PBX4: variants seen among roughly 807,000 people sequenced by gnomAD.
PBX4 encodes the protein PBX homeobox 4, also known as pre-B-cell leukemia transcription factor 4.
Under a neutral mutation model 35.1 loss-of-function variants are expected in PBX4, and 26 were observed. The ratio of observed to expected loss-of-function variants is 0.74; its 90% CI spans 0.54 to 1.03. PBX4 has a LOEUF of 1.03. Among genes scored for constraint, PBX4 ranks in the 50% least tolerant of loss-of-function variants. The pLI is 0.00. For missense variants in PBX4, 448 were observed against 504.3 expected (o/e 0.89, Z 1.07); for synonymous variants, 199 against 204.2 (o/e 0.97, Z 0.22).
At chr19:19,594,946 T>C (rs2144762080) in intron 2 of PBX4, among the ~76,000 whole-genome samples, 1 of 152,308 alleles carries the variant, frequency 6.6e-6, no homozygotes, top group South Asian at 2.1e-4. Context: ...GGTCTCGAAC[T>C]CCTGATCTCA....
chr19:19,569,077 G>A (rs981663744), intron 5 of PBX4, among the ~76,000 whole-genome samples: 2 of 152,094 alleles, frequency 1.3e-5, no homozygotes, highest in African/African-American at 4.8e-5. Flanking sequence ...TTGTTTTTCA[G>A]AGATAGGATC....
intron 2 of PBX4, among the ~76,000 whole-genome samples, chr19:19,584,329 CCA>C (rs1600418526): frequency 6.6e-6 from 1 of 152,174 alleles, no homozygotes; most frequent in African/African-American, 2.4e-5. Flanking sequence ...ACAGCAAACC[CCA>C]GTCTTCCTGG....
At chr19:19,576,688 G>A (rs970490999) in intron 2 of PBX4, among the ~76,000 whole-genome samples, 1 of 152,008 alleles carries the variant, frequency 6.6e-6, no homozygotes, top group African/African-American at 2.4e-5. Flanking sequence ...CATCATCATA[G>A]CTTTCTGTAA....
intron 2 of PBX4, among the ~76,000 whole-genome samples, chr19:19,598,419 T>G (rs1015016013): frequency 6.0e-5 from 9 of 148,950 alleles, no homozygotes; most frequent in African/African-American, 2.0e-4. Context: ...TGCCTCAGCC[T>G]CCCAAGTAGC....
chr19:19,591,400 A>G (rs2061526967), intron 2 of PBX4, among the ~76,000 whole-genome samples: 1 of 152,234 alleles, frequency 6.6e-6, no homozygotes, highest in South Asian at 2.1e-4. Flanking sequence ...GCCAACTACT[A>G]GCAAGGCCAA....
intron 2 of PBX4, among the ~76,000 whole-genome samples, chr19:19,575,445 C>G (rs1281868506): frequency 6.6e-6 from 1 of 152,054 alleles, no homozygotes; most frequent in Non-Finnish European, 1.5e-5. Flanking sequence ...TTTGCCTATT[C>G]CTCGTAATAA....
chr19:19,611,503 AC>A (rs1240496432), intron 1 of PBX4, among the ~76,000 whole-genome samples: 2 of 151,706 alleles, frequency 1.3e-5, no homozygotes, highest in African/African-American at 2.4e-5. Context: ...AGATGGTGAA[AC>A]CCCGTCTCTA....
intron 2 of PBX4, among the ~76,000 whole-genome samples, chr19:19,574,677 C>T (rs1485054689): frequency 6.6e-6 from 1 of 151,528 alleles, no homozygotes; most frequent in Non-Finnish European, 1.5e-5. Context: ...CTCTGTCGCC[C>T]AGGCTCAAGT....
At chr19:19,579,711 C>T (rs1222679697) in intron 2 of PBX4, 3 of 152,366 alleles carry the variant, frequency 2.0e-5, no homozygotes, top group Non-Finnish European at 4.4e-5. Context: ...GTGGTCACTC[C>T]GCTGGCCGCA....
intron 1 of PBX4, among the ~76,000 whole-genome samples, chr19:19,616,889 G>C (rs909695161): frequency 6.6e-6 from 1 of 151,964 alleles, no homozygotes; most frequent in African/African-American, 2.4e-5. Context: ...TCACCATGTT[G>C]GCCAGGCTGG....
intron 2 of PBX4, among the ~76,000 whole-genome samples, chr19:19,591,497 C>T (rs532287981): frequency 2.6e-5 from 4 of 152,350 alleles, no homozygotes; most frequent in African/African-American, 9.6e-5. Flanking sequence ...TGCGTTCCTA[C>T]AGCACAGCAA....
chr19:19,588,383 G>T (rs560403161), intron 2 of PBX4: 2 of 1,348,656 alleles, frequency 1.5e-6, no homozygotes, highest in Admixed American at 1.7e-5. Context: ...GCCTGCTTGC[G>T]GCAAAAGATC....
chr19:19,592,729 A>G (rs2061536524), intron 2 of PBX4, among the ~76,000 whole-genome samples: 1 of 152,194 alleles, frequency 6.6e-6, no homozygotes, highest in Non-Finnish European at 1.5e-5. Context: ...TTTTCAATCA[A>G]CAAAAACAGA....
chr19:19,597,928 C>T (rs2061570351), intron 2 of PBX4, among the ~76,000 whole-genome samples: 1 of 152,136 alleles, frequency 6.6e-6, no homozygotes, highest in Non-Finnish European at 1.5e-5. Flanking sequence ...GCCACAGATG[C>T]ACAACTTCAG....
chr19:19,605,383 T>C (rs1035480467), intron 1 of PBX4, among the ~76,000 whole-genome samples: 3 of 148,540 alleles, frequency 2.0e-5, no homozygotes, highest in Non-Finnish European at 4.5e-5. Flanking sequence ...GCCACAGCAC[T>C]CCAGCCTGGT....
intron 2 of PBX4, among the ~76,000 whole-genome samples, chr19:19,584,626 T>TTC (rs1568386788): frequency 6.7e-6 from 1 of 149,028 alleles, no homozygotes; most frequent in East Asian, 2.0e-4. Context: ...AGGGCTGGTT[T>TTC]TTTTTTTTTT....
At chr19:19,580,880 G>T (rs2061449866) in intron 2 of PBX4, among the ~76,000 whole-genome samples, 1 of 152,212 alleles carries the variant, frequency 6.6e-6, no homozygotes, top group Non-Finnish European at 1.5e-5. Flanking sequence ...CTACAGGCAT[G>T]CGCCACCCTG....
chr19:19,575,279 C>T (rs1312501189), intron 2 of PBX4, among the ~76,000 whole-genome samples: 1 of 123,578 alleles, frequency 8.1e-6, no homozygotes, highest in African/African-American at 3.2e-5. Flanking sequence ...TTTAGTTCCT[C>T]CCACTGCCAG....
chr19:19,569,555 G>A lies in PBX4; in HGVS notation c.662C>T (p.Ala221Val), dbSNP rs199673541. ...AAAATACTCATTCAGCACTTCCGTC[G>A]CCTGCTTGCTGAAATTCCGCCGCTT... ...RRKRRNFSKQATEVLNEYFYS... is the reference protein window; with the variant it reads ...RRKRRNFSKQVTEVLNEYFYS... Residue 221 changes from alanine to valine, a missense_variant, in exon 5 of 8, where the codon GCG (alanine) becomes GTG (valine). Physicochemically the swap from Ala to Val is moderately conservative, Grantham distance 64. Transcript: ENST00000251203. 21 of 1,613,410 alleles carry A rather than the reference G, an allele frequency of 1.3e-5. No homozygotes were observed. The East Asian group carries it at 1.3e-4, about 10-fold the overall frequency.
Sources: gnomAD v4.1 joint callset for allele counts (sites outside exome capture counted in the v4.1 genomes callset) on GRCh38, gnomAD v4.1.1 for gene constraint, MANE v1.5 for transcripts, NCBI Gene and HGNC (gene_info 2026-07-23, HGNC 2026-07-21) for gene names.